Variants in POU6F2 observed in about 807,000 individuals in gnomAD.
POU6F2 encodes POU class 6 homeobox 2, also known as POU domain, class 6, transcription factor 2.
POU6F2 carries 31 observed loss-of-function variants against 71.3 expected under a neutral mutation model. That is an observed-to-expected ratio of 0.43 (90% confidence interval 0.33 to 0.59). The LOEUF (loss-of-function observed/expected upper bound fraction) is 0.59, where lower values mean the gene tolerates loss of function less well. Ranked by LOEUF, POU6F2 falls within the 20% of genes least tolerant of loss-of-function variation. The probability of loss-of-function intolerance (pLI) is 0.04; values close to 1 mark genes in which losing one functional copy is unlikely to be tolerated. For missense variants in POU6F2, 783 were observed against 856.8 expected, an observed-to-expected ratio of 0.91 and a Z score of 1.07; for synonymous variants, 347 against 355.7, an observed-to-expected ratio of 0.98 and a Z score of 0.27.
intron 1 of POU6F2, chr7:39,006,856 G>A: frequency 6.2e-7 from 1 of 1,613,648 alleles, no homozygotes; most frequent in Non-Finnish European, 8.5e-7. Flanking sequence ...GCAAATGAGT[G>A]CTCTTCTTCA....
chr7:39,253,646 AAGCTGAAGACCCC>A (rs1399246484), intron 4 of POU6F2, among the ~76,000 whole-genome samples: 1 of 152,082 alleles, frequency 6.6e-6, no homozygotes, highest in Non-Finnish European at 1.5e-5. Context: ...CAATATTGAG[AAGCTGAAGACCCC>A]AGCGTCATGC....
rs115592738 is a variant in POU6F2 at position 39,279,423 on chromosome 7, C to T, written c.599-60219C>T. On this transcript the variant is annotated intron_variant, in intron 4 of 9. Transcript: ENST00000518318. ...AATAGGAGAAAATAATAACATCATC[C>T]CATGGGGTGATTGTGGAAATGAAAT... is the stretch of plus-strand genomic sequence containing the variant. Among the ~76,000 whole-genome samples, 1,518 of 152,258 alleles carry T rather than the reference C, an allele frequency of 1.0e-2. 30 individuals are homozygous for T. The highest frequency in any genetic ancestry group is 0.034 in the African/African-American group (1,401 of 41,530).
intron 2 of POU6F2, among the ~76,000 whole-genome samples, chr7:39,188,905 T>C (rs1276786491): frequency 6.6e-6 from 1 of 152,236 alleles, no homozygotes; most frequent in East Asian, 1.9e-4. Flanking sequence ...ATTTATCAGG[T>C]ATTCTGCTTT....
At chr7:39,122,289 G>T (rs957837238) in intron 2 of POU6F2, among the ~76,000 whole-genome samples, 4 of 152,206 alleles carry the variant, frequency 2.6e-5, no homozygotes, top group Admixed American at 6.5e-5. Flanking sequence ...ACAGTAAGAG[G>T]AGCAGCATGA....
chr7:39,098,069 TTC>T (rs1791490687), intron 2 of POU6F2, among the ~76,000 whole-genome samples: 3 of 152,216 alleles, frequency 2.0e-5, no homozygotes, highest in African/African-American at 7.2e-5. Context: ...ACAATTGCTC[TTC>T]TTTAGGGATT....
intron 8 of POU6F2, 113 bp downstream of exon 8, chr7:39,451,814 C>T (rs1356797663): frequency 7.6e-7 from 1 of 1,312,060 alleles, no homozygotes; most frequent in Admixed American, 2.2e-5. Context: ...TTCTCTCAAC[C>T]CTGCACAGGA....
chr7:39,079,498 G>A (rs951541864), intron 1 of POU6F2, among the ~76,000 whole-genome samples: 2 of 152,026 alleles, frequency 1.3e-5, no homozygotes, highest in African/African-American at 2.4e-5. Context: ...TATCCTTCAC[G>A]GGATATAGAA....
intron 5 of POU6F2, among the ~76,000 whole-genome samples, chr7:39,352,964 TC>T (rs1205114184): frequency 1.3e-5 from 2 of 152,136 alleles, no homozygotes; most frequent in African/African-American, 4.8e-5. Context: ...TGTCCCTGTG[TC>T]CCCAAGATTT....
chr7:39,334,303 A>G (rs1256438347), intron 4 of POU6F2, among the ~76,000 whole-genome samples: 2 of 152,176 alleles, frequency 1.3e-5, no homozygotes, highest in Non-Finnish European at 2.9e-5. Flanking sequence ...AATTCTGGGT[A>G]CACATGAACA....
intron 5 of POU6F2, among the ~76,000 whole-genome samples, chr7:39,368,926 T>C (rs764642450): frequency 6.6e-6 from 1 of 152,038 alleles, no homozygotes; most frequent in Non-Finnish European, 1.5e-5. Context: ...AAGACTTCAG[T>C]GAAGGAAGGA....
chr7:39,422,185 G>A (rs193240940), intron 6 of POU6F2, among the ~76,000 whole-genome samples: 2 of 152,240 alleles, frequency 1.3e-5, no homozygotes, highest in Admixed American at 1.3e-4. Flanking sequence ...ATAAAAATGT[G>A]TCTTTGTTTT....
chr7:38,993,789 C>G (rs1230527395), intron 1 of POU6F2, among the ~76,000 whole-genome samples: 3 of 152,078 alleles, frequency 2.0e-5, no homozygotes, highest in South Asian at 2.1e-4. Context: ...GAAGAACATG[C>G]CTGGTGTTCT....
At chr7:39,288,902 T>C (rs949953972) in intron 4 of POU6F2, among the ~76,000 whole-genome samples, 5 of 152,270 alleles carry the variant, frequency 3.3e-5, no homozygotes, top group Middle Eastern at 3.4e-3. Flanking sequence ...CCAAGAGGTA[T>C]TCAAAGATTA....
At chr7:39,332,787 G>T (rs1016731205) in intron 4 of POU6F2, among the ~76,000 whole-genome samples, 1 of 152,118 alleles carries the variant, frequency 6.6e-6, no homozygotes, top group Non-Finnish European at 1.5e-5. Context: ...GGTGTGGATT[G>T]TTTTTCTTTC....
At chr7:39,124,883 T>C (rs1792112321) in intron 2 of POU6F2, among the ~76,000 whole-genome samples, 2 of 152,296 alleles carry the variant, frequency 1.3e-5, no homozygotes, top group African/African-American at 4.8e-5. Context: ...TTTTCTCTTC[T>C]TCCGTTCTTT....
chr7:39,171,799 C>T (rs916998498), intron 2 of POU6F2, among the ~76,000 whole-genome samples: 1 of 152,192 alleles, frequency 6.6e-6, no homozygotes, highest in Non-Finnish European at 1.5e-5. Context: ...TTGAAAATCA[C>T]TTCGGTCTCG....
chr7:39,415,089 T>C (rs1253287867), intron 6 of POU6F2, among the ~76,000 whole-genome samples: 2 of 152,202 alleles, frequency 1.3e-5, no homozygotes, highest in Non-Finnish European at 2.9e-5. Flanking sequence ...AATGGCATAA[T>C]CTCGGCTCAC....
At chr7:39,451,741 T>G (rs1442479371) in intron 8 of POU6F2, 40 bp downstream of exon 8, 2 of 1,518,802 alleles carry the variant, frequency 1.3e-6, no homozygotes, top group Admixed American at 2.0e-5. Flanking sequence ...CGTGGTGGCC[T>G]TCTTGTTGCC....
chr7:39,199,489 A>ATT (rs111962370), intron 2 of POU6F2, among the ~76,000 whole-genome samples: 11 of 151,350 alleles, frequency 7.3e-5, no homozygotes, highest in African/African-American at 2.2e-4. Flanking sequence ...TGTTGTACCA[A>ATT]TTTTTTTTTA....
Sources: allele counts gnomAD v4.1 joint callset (sites outside exome capture counted in the v4.1 genomes callset), GRCh38; gene constraint gnomAD v4.1.1; transcripts MANE v1.5; gene names NCBI Gene and HGNC (gene_info 2026-07-23, HGNC 2026-07-21).